The following DGKB variants were observed in gnomAD, a reference collection of about 807,000 sequenced individuals.
DGKB encodes diacylglycerol kinase beta.
In DGKB, 67 loss-of-function variants were observed where a neutral mutation model predicts 114.3. The observed-to-expected ratio is 0.59, with a 90% CI of 0.48 to 0.72. The LOEUF (loss-of-function observed/expected upper bound fraction) is 0.72. Ranked by LOEUF, DGKB falls within the 30% of genes least tolerant of loss-of-function variation. The pLI is 0.00. For missense variants in DGKB, 907 were observed against 975.2 expected (o/e 0.93, Z 0.93); for synonymous variants, 398 against 323.1 (o/e 1.23, Z -2.49).
chr7:14,678,425 T>A (rs944826029), intron 12 of DGKB, among the ~76,000 whole-genome samples: 2 of 151,970 alleles, frequency 1.3e-5, no homozygotes, highest in African/African-American at 4.8e-5. Flanking sequence ...TGATTAGAAT[T>A]TAAGACAGGT....
upstream of DGKB, among the ~76,000 whole-genome samples, chr7:14,908,207 G>A: frequency 6.6e-6 from 1 of 152,118 alleles, no homozygotes; most frequent in East Asian, 1.9e-4. Flanking sequence ...CATACATATT[G>A]TGATTTTATT....
At chr7:14,619,684 A>G (rs1483959860) in intron 15 of DGKB, among the ~76,000 whole-genome samples, 2 of 151,688 alleles carry the variant, frequency 1.3e-5, no homozygotes, top group Non-Finnish European at 3.0e-5. Context: ...CATAAACTCT[A>G]GTCAGATGGT....
chr7:14,921,427 G>A (rs995520025), intron 1 of DGKB, among the ~76,000 whole-genome samples: 2 of 152,126 alleles, frequency 1.3e-5, no homozygotes, highest in Admixed American at 6.6e-5. Flanking sequence ...TTCCTAAAAG[G>A]TGATGTCTAT....
chr7:14,883,599 A>C (rs1266246556), intron 1 of DGKB, among the ~76,000 whole-genome samples: 1 of 152,050 alleles, frequency 6.6e-6, no homozygotes, highest in African/African-American at 2.4e-5. Context: ...GCTGGAGTGT[A>C]CACTCAGAGC....
intron 6 of DGKB, among the ~76,000 whole-genome samples, chr7:14,716,559 A>G (rs1828220082): frequency 6.6e-6 from 1 of 152,172 alleles, no homozygotes; most frequent in Non-Finnish European, 1.5e-5. Context: ...TTAAACTAAC[A>G]ATCAACACAA....
At chr7:14,876,372 G>A (rs2128205899) in intron 1 of DGKB, among the ~76,000 whole-genome samples, 1 of 152,340 alleles carries the variant, frequency 6.6e-6, no homozygotes, top group East Asian at 1.9e-4. Context: ...CAGGCACAGA[G>A]CCGTAACAAG....
chr7:14,426,516 C>A (rs1176319294), intron 21 of DGKB, among the ~76,000 whole-genome samples: 1 of 152,090 alleles, frequency 6.6e-6, no homozygotes, highest in Non-Finnish European at 1.5e-5. Flanking sequence ...CTGGAAATAA[C>A]AAGTCTTTAT....
intron 13 of DGKB, among the ~76,000 whole-genome samples, chr7:14,670,312 T>G (rs1585520073): frequency 1.3e-5 from 2 of 149,060 alleles, no homozygotes; most frequent in Non-Finnish European, 3.0e-5. Flanking sequence ...CACACACACA[T>G]TTTTTTTTGA....
intron 1 of DGKB, among the ~76,000 whole-genome samples, chr7:14,865,802 C>A (rs553455335): frequency 1.3e-5 from 2 of 152,058 alleles, no homozygotes; most frequent in South Asian, 4.2e-4. Flanking sequence ...AAAAAGAAGA[C>A]CATGAATAGA....
Position 14,919,107 on chromosome 7 carries a change from C to A in DGKB, c.-188+55589G>T, listed in dbSNP as rs962101672. Reference sequence around the variant, plus strand: ...ACACACACACACAAACACACACACACACACACACACACACACAAAGTTTAT... The same window carrying A: ...ACACACACACACAAACACACACACAAACACACACACACACACAAAGTTTAT... On this transcript the variant is annotated intron_variant, in intron 1 of 4. Transcript: ENST00000437998. Among the ~76,000 whole-genome samples the A allele has an allele frequency of 1.5e-3, 221 of 146,726 alleles. 1 individual carries two copies. Among genetic ancestry groups the A allele is most frequent in the Non-Finnish European group, 2.5e-3 (166 of 65,374 alleles).
chr7:14,210,818 C>T (rs1787646742), intron 23 of DGKB, among the ~76,000 whole-genome samples: 2 of 152,212 alleles, frequency 1.3e-5, no homozygotes, highest in Non-Finnish European at 2.9e-5. Context: ...TACCTTTCCT[C>T]TCTGCTTCCT....
At chr7:14,255,739 CTT>C (rs11299209) in intron 23 of DGKB, among the ~76,000 whole-genome samples, 11 of 148,036 alleles carry the variant, frequency 7.4e-5, no homozygotes, top group Admixed American at 1.4e-4. Context: ...CTTCTCATCT[CTT>C]TTTTTTTTTT....
At position 14,392,390 on chromosome 7, in the gene DGKB, G is replaced by A. The variant is rs60360148; in HGVS notation, c.1836-46999C>T. Among the ~76,000 whole-genome samples, 261 of 152,150 alleles carry A rather than the reference G, an allele frequency of 1.7e-3. 10 individuals carry two copies. The East Asian group carries it at 0.046, about 27-fold the overall frequency. The stretch of plus-strand genomic sequence containing the variant: ...AGTTGTTTATTTTGTTTTGTATTGC[G>A]TTAACATGATATAATCACTTTTCTG... On this transcript the variant is annotated intron_variant, in intron 21 of 25. Transcript: ENST00000402815.
intron 14 of DGKB, among the ~76,000 whole-genome samples, chr7:14,628,781 G>A (rs1338011419): frequency 6.6e-6 from 1 of 151,910 alleles, no homozygotes; most frequent in African/African-American, 2.4e-5. Context: ...TGGGCTTAAG[G>A]AAATTTTTGG....
At position 14,637,939 on chromosome 7, in the gene DGKB, T is replaced by C. The variant is rs1002974768; in HGVS notation, c.1135-7671A>G. On this transcript the variant is annotated intron_variant, in intron 13 of 25. Transcript: ENST00000402815. ...ATTTCTAAACAAGAGAATGTGAATA[T>C]TTTTGAAGTTCCATTCTATAATAAA... Among the ~76,000 whole-genome samples the C allele has an allele frequency of 5.9e-5, 9 of 152,150 alleles. No homozygotes were observed. In the East Asian group the frequency reaches 1.5e-3, roughly 26 times the overall value.
chr7:14,637,101 T>C (rs1278357116), intron 13 of DGKB, among the ~76,000 whole-genome samples: 3 of 152,062 alleles, frequency 2.0e-5, no homozygotes, highest in South Asian at 2.1e-4. Context: ...GCTATTCATC[T>C]TTATTTCTCC....
intron 2 of DGKB, among the ~76,000 whole-genome samples, chr7:14,789,846 GT>G (rs2128504598): frequency 6.6e-6 from 1 of 152,244 alleles, no homozygotes; most frequent in African/African-American, 2.4e-5. Context: ...GCCATGTTTA[GT>G]TTTTTAAGAA....
chr7:14,946,006 C>T (rs116814824), intron 1 of DGKB, among the ~76,000 whole-genome samples: 5,959 of 151,182 alleles, frequency 0.039, 365 homozygotes, highest in African/African-American at 0.13. Context: ...TAAATATTTT[C>T]CTTTCAGATG....
intron 2 of DGKB, among the ~76,000 whole-genome samples, chr7:14,794,199 T>A (rs1841084484): frequency 6.6e-6 from 1 of 152,140 alleles, no homozygotes; most frequent in Non-Finnish European, 1.5e-5. Context: ...CCAAGAGTGG[T>A]TCTAGAGGAA....
Sources: allele counts gnomAD v4.1 joint callset (sites outside exome capture counted in the v4.1 genomes callset), GRCh38; gene constraint gnomAD v4.1.1; transcripts MANE v1.5; gene names NCBI Gene and HGNC (gene_info 2026-07-23, HGNC 2026-07-21).